PRR5L: variants seen among roughly 807,000 people sequenced by gnomAD.
PRR5L encodes proline rich 5 like.
Under a neutral mutation model 36.4 loss-of-function variants are expected in PRR5L, and 21 were observed. The observed-to-expected ratio is 0.58, with a 90% CI of 0.41 to 0.83. The LOEUF is 0.83. Among genes scored for constraint, PRR5L ranks in the 40% least tolerant of loss-of-function variants. The pLI, the probability that PRR5L is intolerant of heterozygous loss-of-function variation, is 0.00. For synonymous variants in PRR5L, 188 were observed against 197.0 expected (o/e 0.95, Z 0.38); for missense variants, 381 against 473.3 (o/e 0.80, Z 1.81).
chr11:36,415,345 C>T (rs1364508836), intron 3 of PRR5L, among the ~76,000 whole-genome samples: 2 of 152,190 alleles, frequency 1.3e-5, no homozygotes, highest in African/African-American at 2.4e-5. Context: ...TGTTGTGTTG[C>T]CTTACGTAAT....
intron 1 of PRR5L, among the ~76,000 whole-genome samples, chr11:36,380,872 T>C (rs186056041): frequency 1.2e-3 from 179 of 152,314 alleles, no homozygotes; most frequent in Non-Finnish European, 2.1e-3. Flanking sequence ...ACTAACTTCG[T>C]TAAAAAGCAG....
At chr11:36,322,561 C>A (rs1856622850) in intron 1 of PRR5L, among the ~76,000 whole-genome samples, 1 of 152,140 alleles carries the variant, frequency 6.6e-6, no homozygotes, top group South Asian at 2.1e-4. Flanking sequence ...ACAGTCAAAT[C>A]ATTGTGCACC....
chr11:36,322,682 C>A (rs1488047270), intron 1 of PRR5L, among the ~76,000 whole-genome samples: 1 of 152,192 alleles, frequency 6.6e-6, no homozygotes. Flanking sequence ...AGGCACATAA[C>A]CTGAGGCAGC....
chr11:36,340,469 G>A (rs1367153982), intron 1 of PRR5L, among the ~76,000 whole-genome samples: 1 of 152,232 alleles, frequency 6.6e-6, no homozygotes, highest in African/African-American at 2.4e-5. Context: ...ATAACACTAT[G>A]TGTCAGACAC....
chr11:36,451,217 C>A lies in PRR5L; in HGVS notation c.594C>A (p.His198Gln). Residue 198 changes from histidine (H) to glutamine (Q), a missense_variant, in exon 8 of 9, where the codon CAC becomes CAA. Transcript: ENST00000530639. ...GGCTGTTCATTTTCCAGAGTGTTCA[C>A]GAGCCCACAGGCCCAAGTGAGAGTT... ...VQMLLILQSV[H>Q]EPTGPSESYL... 6.2e-7 allele frequency: 1 copy of A among 1,614,122 alleles called. No homozygotes were observed. Among genetic ancestry groups the A allele is most frequent in the Non-Finnish European group, 8.5e-7 (1 of 1,179,984 alleles).
intron 8 of PRR5L, among the ~76,000 whole-genome samples, chr11:36,460,865 T>C (rs1221448574): frequency 6.6e-6 from 1 of 152,254 alleles, no homozygotes; most frequent in Non-Finnish European, 1.5e-5. Flanking sequence ...GACCTGATGG[T>C]GCACCTGTCT....
At chr11:36,352,118 C>T (rs190758957) in intron 1 of PRR5L, among the ~76,000 whole-genome samples, 26 of 152,066 alleles carry the variant, frequency 1.7e-4, no homozygotes, top group African/African-American at 5.5e-4. Flanking sequence ...TGATTATGGC[C>T]ATTCTTGCAG....
chr11:36,310,995 C>CA (rs59947428), intron 1 of PRR5L, among the ~76,000 whole-genome samples: 56,112 of 88,384 alleles, frequency 0.63, 18,434 homozygotes, highest in Middle Eastern at 0.72. Context: ...ACTCCGTCTC[C>CA]AAAAAAAAAA....
At chr11:36,446,575 C>A in intron 7 of PRR5L, 135 bp downstream of exon 7, 2 of 1,051,220 alleles carry the variant, frequency 1.9e-6, no homozygotes, top group Non-Finnish European at 1.4e-6. Context: ...GTTTGTTGGC[C>A]CGTGTTCATT....
chr11:36,320,368 C>T lies in PRR5L; in HGVS notation c.-126+23930C>T, dbSNP rs143655648. 6.2e-3 allele frequency among the ~76,000 whole-genome samples: 938 copies of T among 151,648 alleles called. 17 individuals carry two copies. The highest frequency in any genetic ancestry group is 0.022 in the African/African-American group (892 of 41,290). On this transcript the variant is annotated intron_variant, in intron 1 of 8. Coordinates refer to ENST00000530639, the MANE Select transcript of PRR5L (RefSeq NM_001160167.2). ...AAGCGATTCTCCTGCCTCAGCCTCCCGAGTAACTGGGATTACAGGTGCCTG... is the reference window on the plus strand; with the variant it reads ...AAGCGATTCTCCTGCCTCAGCCTCCTGAGTAACTGGGATTACAGGTGCCTG...
intron 1 of PRR5L, among the ~76,000 whole-genome samples, chr11:36,391,929 T>C (rs553987234): frequency 3.9e-4 from 59 of 152,314 alleles, no homozygotes; most frequent in African/African-American, 1.4e-3. Flanking sequence ...CCTAACTATA[T>C]TTTTTTACCC....
chr11:36,448,751 G>A (rs145622726), intron 7 of PRR5L, among the ~76,000 whole-genome samples: 93 of 152,238 alleles, frequency 6.1e-4, no homozygotes, highest in African/African-American at 2.0e-3. Context: ...GGATCATGGC[G>A]AATTTCCAGA....
intron 8 of PRR5L, among the ~76,000 whole-genome samples, chr11:36,461,066 A>G (rs975001533): frequency 1.3e-5 from 2 of 151,938 alleles, no homozygotes; most frequent in African/African-American, 4.8e-5. Context: ...AAGGTATTTC[A>G]CCTACCCTAG....
chr11:36,387,566 CCT>C (rs1454993579), intron 1 of PRR5L, among the ~76,000 whole-genome samples: 1 of 152,138 alleles, frequency 6.6e-6, no homozygotes, highest in Non-Finnish European at 1.5e-5. Context: ...GCCCCTGCCT[CCT>C]CTCTCAAAGG....
intron 8 of PRR5L, 38 bp from the exon 9 acceptor site, chr11:36,462,304 C>G: frequency 6.7e-7 from 1 of 1,482,984 alleles, no homozygotes; most frequent in Non-Finnish European, 8.9e-7. Context: ...CCAATACCCC[C>G]TCCCCAATAA....
At chr11:36,374,079 TTCCTTCCTTCCTTCCTTCCTTCCTTC>T (rs1234141518) in intron 1 of PRR5L, among the ~76,000 whole-genome samples, 2 of 115,378 alleles carry the variant, frequency 1.7e-5, no homozygotes, top group African/African-American at 3.7e-5. Context: ...CCTTCCTTCC[TTCCTTCCTTCCTTCCTTCCTTCCTTC>T]CTCTCTCTCT....
chr11:36,438,240 A>G (rs74867965), intron 6 of PRR5L, among the ~76,000 whole-genome samples: 2,240 of 152,164 alleles, frequency 0.015, 29 homozygotes, highest in Non-Finnish European at 0.018. Context: ...TCTCCAAAAT[A>G]CATGTCTCTC....
intron 7 of PRR5L, among the ~76,000 whole-genome samples, chr11:36,449,064 G>C (rs138444126): frequency 0.016 from 2,487 of 152,278 alleles, 38 homozygotes; most frequent in Middle Eastern, 0.031. Flanking sequence ...TCCCCTGAGG[G>C]CTTCCTGGGA....
intron 3 of PRR5L, among the ~76,000 whole-genome samples, chr11:36,418,177 G>A (rs1564942898): frequency 6.6e-6 from 1 of 152,296 alleles, no homozygotes; most frequent in East Asian, 1.9e-4. Flanking sequence ...AACTCCTTGT[G>A]CTAGAACAAC....
Sources: allele counts gnomAD v4.1 joint callset (sites outside exome capture counted in the v4.1 genomes callset), GRCh38; gene constraint gnomAD v4.1.1; transcripts MANE v1.5; gene names NCBI Gene and HGNC (gene_info 2026-07-23, HGNC 2026-07-21).